The following RALYL variants were observed in gnomAD, a reference collection of about 807,000 sequenced individuals.
RALYL encodes the protein RNA-binding Raly-like protein.
A neutral mutation model predicts 35.1 loss-of-function variants in RALYL; 29 were observed. The observed-to-expected ratio is 0.83, with a 90% CI of 0.61 to 1.13. The LOEUF is 1.13. Ranked by LOEUF, RALYL falls within the 50% of genes most tolerant of loss-of-function variation. The pLI, the probability that RALYL is intolerant of heterozygous loss-of-function variation, is 0.00. For missense variants in RALYL, 359 were observed against 360.4 expected (o/e 1.00, Z 0.03); for synonymous variants, 120 against 127.6 (o/e 0.94, Z 0.40).
intron 1 of RALYL, among the ~76,000 whole-genome samples, chr8:84,227,319 A>G (rs563121304): frequency 6.6e-6 from 1 of 151,874 alleles, no homozygotes; most frequent in African/African-American, 2.4e-5. Flanking sequence ...CGGTCTCTCA[A>G]AGTGCTGGGA....
intron 2 of RALYL, among the ~76,000 whole-genome samples, chr8:84,564,413 CT>C (rs777825326): frequency 2.6e-5 from 4 of 151,658 alleles, no homozygotes; most frequent in Non-Finnish European, 5.9e-5. Context: ...AAGCTTCACC[CT>C]GCATTTTCAT....
rs543856585 is a variant in RALYL, at chr8:84,192,490, A to G, written c.-24+8066A>G. Among the ~76,000 whole-genome samples the G allele has an allele frequency of 3.2e-3, 490 of 152,286 alleles. 1 individual carries two copies. Among genetic ancestry groups the G allele is most frequent in the African/African-American group, 0.011 (465 of 41,554 alleles). ...TTTCATATGGGCTAGAAAACAGATG[A>G]TATTAGCAGATGAGTGCTGAATTAT... is the stretch of plus-strand genomic sequence containing the variant. On this transcript the variant is annotated intron_variant, in intron 1 of 8. Coordinates refer to ENST00000521268, the MANE Select transcript of RALYL (RefSeq NM_173848.7).
At chr8:84,356,897 A>G (rs1851949521) in intron 1 of RALYL, among the ~76,000 whole-genome samples, 1 of 151,996 alleles carries the variant, frequency 6.6e-6, no homozygotes, top group Non-Finnish European at 1.5e-5. Context: ...TATATAGAAT[A>G]ATAGAGTAAA....
chr8:84,560,971 G>C (rs2061434229), intron 2 of RALYL, among the ~76,000 whole-genome samples: 1 of 152,028 alleles, frequency 6.6e-6, no homozygotes, highest in Non-Finnish European at 1.5e-5. Context: ...ATCATCTTTT[G>C]TGTTGAATTT....
chr8:84,549,457 G>T (rs1042461929), intron 2 of RALYL, among the ~76,000 whole-genome samples: 3 of 152,174 alleles, frequency 2.0e-5, no homozygotes, highest in African/African-American at 7.2e-5. Flanking sequence ...CCATTTTATG[G>T]ATCCAGGAGG....
chr8:84,842,353 A>G (rs1174184704), intron 4 of RALYL, among the ~76,000 whole-genome samples: 1 of 152,228 alleles, frequency 6.6e-6, no homozygotes, highest in African/African-American at 2.4e-5. Flanking sequence ...TACGCAAATA[A>G]ACTAGAAAAT....
intron 1 of RALYL, among the ~76,000 whole-genome samples, chr8:84,240,217 A>G (rs1372410544): frequency 1.3e-5 from 2 of 152,264 alleles, no homozygotes; most frequent in African/African-American, 4.8e-5. Context: ...CAGGTAAAAA[A>G]TTAAAAAGCA....
At chr8:84,422,183 T>G (rs1360179269) in intron 1 of RALYL, among the ~76,000 whole-genome samples, 1 of 124,958 alleles carries the variant, frequency 8.0e-6, no homozygotes, top group Non-Finnish European at 1.7e-5. Context: ...GGTCCTGGAC[T>G]CTTTTTGGTT....
intron 4 of RALYL, among the ~76,000 whole-genome samples, chr8:84,844,269 C>T (rs1231116743): frequency 6.6e-6 from 1 of 152,078 alleles, no homozygotes; most frequent in East Asian, 1.9e-4. Context: ...AACAAATTTA[C>T]AAGAAAAAAA....
rs1192895644 is a variant in RALYL, at chr8:84,195,755, A to C, written c.-24+11331A>C. ...TGTAGAGAAGAGGTGTGTAGACAAA[A>C]AAGTAAAGGGGGCCAAGTGAGAGGA... On this transcript the variant is annotated intron_variant, in intron 1 of 8. Coordinates refer to ENST00000521268, the MANE Select transcript of RALYL (RefSeq NM_173848.7). Among the ~76,000 whole-genome samples the C allele has an allele frequency of 2.6e-5, 4 of 152,176 alleles. No individual in the cohort carries two copies. In the East Asian group the frequency reaches 7.7e-4, roughly 29 times the overall value.
At chr8:84,919,304 C>T (rs1460844657) in intron 8 of RALYL, among the ~76,000 whole-genome samples, 3 of 151,902 alleles carry the variant, frequency 2.0e-5, no homozygotes, top group African/African-American at 7.2e-5. Flanking sequence ...ATTGTAATAC[C>T]TATTTTCATA....
intron 1 of RALYL, among the ~76,000 whole-genome samples, chr8:84,447,255 C>T (rs1478606497): frequency 6.6e-6 from 1 of 152,196 alleles, no homozygotes; most frequent in East Asian, 1.9e-4. Flanking sequence ...GACACAGACT[C>T]TTCTAGGGAG....
At chr8:84,293,992 G>A (rs1312918121) in intron 1 of RALYL, among the ~76,000 whole-genome samples, 1 of 152,002 alleles carries the variant, frequency 6.6e-6, no homozygotes, top group African/African-American at 2.4e-5. Flanking sequence ...CATCCACCCT[G>A]GAGAAAAATT....
intron 4 of RALYL, among the ~76,000 whole-genome samples, chr8:84,838,092 C>G (rs1434605717): frequency 3.3e-5 from 5 of 152,154 alleles, no homozygotes; most frequent in Non-Finnish European, 7.4e-5. Context: ...CAGTACCACT[C>G]TCAGTTTATG....
intron 3 of RALYL, among the ~76,000 whole-genome samples, chr8:84,797,676 G>A (rs1423435297): frequency 6.6e-6 from 1 of 152,128 alleles, no homozygotes; most frequent in East Asian, 1.9e-4. Flanking sequence ...TCCCTATTAA[G>A]AGATTAATTC....
chr8:84,843,732 A>G (rs908086508), intron 4 of RALYL, among the ~76,000 whole-genome samples: 1 of 152,222 alleles, frequency 6.6e-6, no homozygotes, highest in Non-Finnish European at 1.5e-5. Flanking sequence ...ACAAGACTAC[A>G]GTAACCAAAA....
intron 1 of RALYL, among the ~76,000 whole-genome samples, chr8:84,471,771 C>T (rs937830132): frequency 4.6e-5 from 7 of 152,256 alleles, no homozygotes; most frequent in South Asian, 4.1e-4. Flanking sequence ...TGTTCTGCAT[C>T]TGTAAAATGG....
intron 2 of RALYL, among the ~76,000 whole-genome samples, chr8:84,678,284 G>A (rs1364274981): frequency 6.6e-6 from 1 of 151,932 alleles, no homozygotes; most frequent in East Asian, 1.9e-4. Context: ...TTGTTTTTGA[G>A]ATGGAGTCTC....
intron 2 of RALYL, chr8:84,679,794 A>T (rs2131952840): frequency 2.0e-6 from 1 of 494,670 alleles, no homozygotes; most frequent in South Asian, 1.5e-5. Flanking sequence ...AATTGGATAG[A>T]AAGATTGAAT....
Sources: allele counts gnomAD v4.1 joint callset (sites outside exome capture counted in the v4.1 genomes callset), GRCh38; gene constraint gnomAD v4.1.1; transcripts MANE v1.5; gene names NCBI Gene and HGNC (gene_info 2026-07-23, HGNC 2026-07-21).